The following ADCY8 variants were observed in gnomAD, a reference collection of about 807,000 sequenced individuals.
ADCY8 encodes adenylate cyclase type 8.
Under a neutral mutation model 119.7 loss-of-function variants are expected in ADCY8, and 51 were observed. The ratio of observed to expected loss-of-function variants is 0.43; its 90% CI spans 0.34 to 0.54. The LOEUF is 0.54. Among genes scored for constraint, ADCY8 ranks in the 20% least tolerant of loss-of-function variants. ADCY8 has a pLI of 0.03. For missense variants in ADCY8, 1,383 were observed against 1,598.8 expected, an observed-to-expected ratio of 0.87 and a Z score of 2.30; for synonymous variants, 665 against 651.0, an observed-to-expected ratio of 1.02 and a Z score of -0.33.
intron 8 of ADCY8, among the ~76,000 whole-genome samples, chr8:130,879,855 G>T (rs1002512840): frequency 4.6e-5 from 7 of 152,094 alleles, no homozygotes; most frequent in African/African-American, 1.7e-4. Context: ...AAAAATTTTT[G>T]ATATGGTTTG....
intron 5 of ADCY8, among the ~76,000 whole-genome samples, chr8:130,922,643 C>T (rs928029474): frequency 6.6e-6 from 1 of 152,160 alleles, no homozygotes; most frequent in African/African-American, 2.4e-5. Flanking sequence ...TCCGATTTCT[C>T]AATCTTTTCC....
chr8:130,883,677 A>G (rs4130328), intron 8 of ADCY8, among the ~76,000 whole-genome samples: 122,828 of 152,128 alleles, frequency 0.81, 49,974 homozygotes, highest in African/African-American at 0.91. Context: ...GTTCCTGCCC[A>G]AGGCTCCTGC....
At chr8:130,844,379 T>G (rs1263755632) in intron 11 of ADCY8, among the ~76,000 whole-genome samples, 1 of 152,168 alleles carries the variant, frequency 6.6e-6, no homozygotes, top group Non-Finnish European at 1.5e-5. Context: ...GCTTCGAATT[T>G]AGAACCAAGT....
At chr8:130,875,053 A>T (rs1433989933) in intron 8 of ADCY8, among the ~76,000 whole-genome samples, 1 of 152,146 alleles carries the variant, frequency 6.6e-6, no homozygotes, top group East Asian at 1.9e-4. Flanking sequence ...GGCACTTCTG[A>T]CTCTGAAAAT....
At chr8:130,908,224 G>A (rs973039712) in intron 6 of ADCY8, among the ~76,000 whole-genome samples, 1 of 152,136 alleles carries the variant, frequency 6.6e-6, no homozygotes, top group Non-Finnish European at 1.5e-5. Flanking sequence ...CATCCTCTAA[G>A]GTTTGCAAAA....
chr8:130,781,736 G>C (rs1281423895), intron 17 of ADCY8, among the ~76,000 whole-genome samples: 1 of 152,102 alleles, frequency 6.6e-6, no homozygotes, highest in Admixed American at 6.6e-5. Flanking sequence ...AGTTTATCTG[G>C]TAAATACTTT....
chr8:130,868,240 C>G (rs964151479), intron 8 of ADCY8, among the ~76,000 whole-genome samples: 1 of 152,114 alleles, frequency 6.6e-6, no homozygotes, highest in Non-Finnish European at 1.5e-5. Context: ...ATATATGCAG[C>G]AAATCAAATT....
chr8:130,904,797 G>A (rs1390008232), intron 6 of ADCY8, among the ~76,000 whole-genome samples: 1 of 152,172 alleles, frequency 6.6e-6, no homozygotes, highest in Non-Finnish European at 1.5e-5. Flanking sequence ...TCAGGGCCTT[G>A]AGGATCAAAC....
intron 5 of ADCY8, among the ~76,000 whole-genome samples, chr8:130,930,106 T>C (rs557730708): frequency 1.6e-4 from 25 of 152,342 alleles, no homozygotes; most frequent in African/African-American, 5.8e-4. Context: ...TTTTTGATTC[T>C]AGAATTTAAT....
At chr8:130,899,351 A>G (rs996732872) in intron 7 of ADCY8, among the ~76,000 whole-genome samples, 2 of 152,176 alleles carry the variant, frequency 1.3e-5, no homozygotes, top group Non-Finnish European at 2.9e-5. Context: ...CAAGCCTGTA[A>G]TCCCAGAACT....
chr8:130,937,045 A>G, intron 5 of ADCY8, 28 bp downstream of exon 5: 1 of 1,596,368 alleles, frequency 6.3e-7, no homozygotes, highest in Non-Finnish European at 8.6e-7. Context: ...TTGAAGACCC[A>G]GGTAACATGA....
At chr8:130,780,907 C>A in intron 17 of ADCY8, 30 bp from the exon 18 acceptor site, 1 of 1,606,764 alleles carries the variant, frequency 6.2e-7, no homozygotes, top group South Asian at 1.1e-5. Context: ...AGCAAGAAGT[C>A]AGAGGGAGAA....
chr8:130,881,200 TTATC>T (rs1209006287), intron 8 of ADCY8, among the ~76,000 whole-genome samples: 3 of 152,172 alleles, frequency 2.0e-5, no homozygotes, highest in Non-Finnish European at 4.4e-5. Context: ...TGAGGCAGTC[TTATC>T]TAACCTTCTT....
intron 9 of ADCY8, among the ~76,000 whole-genome samples, chr8:130,863,303 T>G (rs986766647): frequency 4.6e-5 from 7 of 152,086 alleles, no homozygotes; most frequent in Non-Finnish European, 1.0e-4. Context: ...TTTTTTTTCA[T>G]TAATGTTAGC....
At chr8:131,028,247 T>C (rs903977288) in intron 1 of ADCY8, among the ~76,000 whole-genome samples, 3 of 152,266 alleles carry the variant, frequency 2.0e-5, no homozygotes, top group Non-Finnish European at 2.9e-5. Flanking sequence ...AAAATATCTT[T>C]CATTGTCCAT....
intron 8 of ADCY8, among the ~76,000 whole-genome samples, chr8:130,877,687 T>C (rs1029823483): frequency 6.6e-5 from 10 of 152,164 alleles, no homozygotes; most frequent in Admixed American, 1.3e-4. Context: ...AGAGAAACAA[T>C]CCTTATCTTT....
Position 130,969,101 on chromosome 8 carries a change from A to T in ADCY8, c.1111-17103T>A, listed in dbSNP as rs1034874436. 2.6e-5 allele frequency among the ~76,000 whole-genome samples: 4 copies of T among 152,288 alleles called. No homozygotes were observed. The East Asian group carries it at 7.7e-4, about 29-fold the overall frequency. On this transcript the variant is annotated intron_variant, in intron 2 of 17. Coordinates refer to ENST00000286355, the MANE Select transcript of ADCY8 (RefSeq NM_001115.3). ...CCATGGTGCACAGATATTAGATTAT[A>T]TGTTATTCTGGATGTTTCTGTGAAG...
chr8:130,806,493 G>A (rs1815963058), intron 14 of ADCY8, among the ~76,000 whole-genome samples: 1 of 152,190 alleles, frequency 6.6e-6, no homozygotes, highest in Admixed American at 6.5e-5. Flanking sequence ...TAATTAGAAA[G>A]ATGAGGGCAG....
intron 5 of ADCY8, among the ~76,000 whole-genome samples, chr8:130,934,257 A>G (rs1820719720): frequency 1.3e-5 from 2 of 152,236 alleles, no homozygotes; most frequent in African/African-American, 2.4e-5. Context: ...GGTTTAATTA[A>G]CAAGTAGTTC....
Sources: allele counts gnomAD v4.1 joint callset (sites outside exome capture counted in the v4.1 genomes callset), GRCh38; gene constraint gnomAD v4.1.1; transcripts MANE v1.5; gene names NCBI Gene and HGNC (gene_info 2026-07-23, HGNC 2026-07-21).